Variants in RIMKLB observed in about 807,000 individuals in gnomAD.
The protein encoded by RIMKLB is beta-citrylglutamate synthase B.
A neutral mutation model predicts 32.0 loss-of-function variants in RIMKLB; 7 were observed. The ratio of observed to expected loss-of-function variants is 0.22; its 90% CI spans 0.12 to 0.41. RIMKLB has a LOEUF of 0.41. Ranked by LOEUF, RIMKLB falls within the 10% of genes least tolerant of loss-of-function variation. RIMKLB has a pLI of 1.00. For missense variants in RIMKLB, 289 were observed against 498.7 expected (o/e 0.58, Z 4.00); for synonymous variants, 172 against 185.1 (o/e 0.93, Z 0.57).
the RIMKLB span, among the ~76,000 whole-genome samples, chr12:8,673,246 G>C: frequency 6.6e-6 from 1 of 152,024 alleles, no homozygotes; most frequent in Admixed American, 6.5e-5. Flanking sequence ...GCTATGCTGA[G>C]AGCAGTGACA....
chr12:8,757,063 G>C (rs995590449), intron 5 of RIMKLB, among the ~76,000 whole-genome samples: 1 of 151,974 alleles, frequency 6.6e-6, no homozygotes, highest in African/African-American at 2.4e-5. Context: ...ATTATAACAC[G>C]TCCTGCTGAC....
chr12:8,757,985 G>A (rs144829662), intron 5 of RIMKLB, among the ~76,000 whole-genome samples: 2 of 150,698 alleles, frequency 1.3e-5, no homozygotes, highest in African/African-American at 4.9e-5. Context: ...TCTGGAGAAT[G>A]GGGTCTCGCT....
chr12:8,679,055 TG>T, upstream of RIMKLB: 1 of 154,984 alleles, frequency 6.5e-6, no homozygotes, highest in Non-Finnish European at 1.4e-5. Context: ...TGCTTTACCT[TG>T]GGATGGCCAG....
rs143241593 is a variant in RIMKLB, at chr12:8,739,395, C to T, written c.176-10467C>T. On this transcript the variant is annotated intron_variant, in intron 2 of 5. Transcript: ENST00000535829. ...ATGAGTTCTCACTATGTTGCCCAGG[C>T]TGGTGTTGAACTCCTGGACTCAAGT... Among the ~76,000 whole-genome samples, 608 of 152,306 alleles carry T rather than the reference C, an allele frequency of 4.0e-3. 9 individuals are homozygous for T. Among genetic ancestry groups the T allele is most frequent in the African/African-American group, 0.014 (573 of 41,578 alleles).
Position 8,766,216 on chromosome 12 carries a change from G to A in RIMKLB, c.698-7105G>A, listed in dbSNP as rs1200624964. ...CTTAATGCTTATTCCTTTCCAGGGT[G>A]TGTAACCACCCATGGACTTCTGCTT... On this transcript the variant is annotated intron_variant, in intron 5 of 5. Transcript: ENST00000535829. 2.6e-5 allele frequency among the ~76,000 whole-genome samples: 4 copies of A among 152,162 alleles called. No individual in the cohort carries two copies. In the East Asian group the frequency reaches 5.8e-4, roughly 22 times the overall value.
At chr12:8,675,485 A>T in the RIMKLB span, among the ~76,000 whole-genome samples, 8 of 152,204 alleles carry the variant, frequency 5.3e-5, no homozygotes, top group East Asian at 1.5e-3. Flanking sequence ...CTCTTCATTT[A>T]CCATCTATTG....
At chr12:8,711,449 G>A (rs1255137579) in intron 1 of RIMKLB, among the ~76,000 whole-genome samples, 1 of 151,942 alleles carries the variant, frequency 6.6e-6, no homozygotes, top group African/African-American at 2.4e-5. Flanking sequence ...CCGAGTGTCA[G>A]GCCAAGGCAC....
chr12:8,767,169 T>C (rs1369302298), intron 5 of RIMKLB, among the ~76,000 whole-genome samples: 4 of 152,266 alleles, frequency 2.6e-5, no homozygotes, highest in Non-Finnish European at 5.9e-5. Flanking sequence ...TTACCCTGGC[T>C]TTTAAAGGAA....
intron 5 of RIMKLB, among the ~76,000 whole-genome samples, chr12:8,767,283 C>T (rs1950047804): frequency 6.6e-6 from 1 of 152,160 alleles, no homozygotes; most frequent in Non-Finnish European, 1.5e-5. Flanking sequence ...AAACTTGGGG[C>T]CCTGGCAAGG....
Position 8,750,034 on chromosome 12 carries a change from C to A in RIMKLB, c.348C>A (p.Phe116Leu). The A allele has an allele frequency of 6.2e-7, 1 of 1,613,206 alleles. No individual in the cohort carries two copies. Among genetic ancestry groups the A allele is most frequent in the South Asian group, 1.1e-5 (1 of 91,066 alleles). ...CCATCCTGAACTGCGTTAATAAGTTCTGGACATTTCAAGAGTTGGCTGGCC... is the reference window on the plus strand; with the variant it reads ...CCATCCTGAACTGCGTTAATAAGTTATGGACATTTCAAGAGTTGGCTGGCC... ...PQAILNCVNK[F>L]WTFQELAGHG... Residue 116 changes from phenylalanine to leucine, a missense_variant, in exon 3 of 6, where the codon TTC becomes TTA. Physicochemically the swap from Phe to Leu is conservative, Grantham distance 22. Coordinates refer to ENST00000535829, the MANE Select transcript of RIMKLB (RefSeq NM_001297776.2).
At chr12:8,740,157 C>T (rs1010171411) in intron 2 of RIMKLB, among the ~76,000 whole-genome samples, 6 of 152,042 alleles carry the variant, frequency 3.9e-5, no homozygotes, top group African/African-American at 7.3e-5. Context: ...CTGCCTGCCT[C>T]GTCCTCCCAA....
At chr12:8,700,710 T>G (rs1402049598) in intron 1 of RIMKLB, 1 of 152,204 alleles carries the variant, frequency 6.6e-6, no homozygotes, top group Admixed American at 6.5e-5. Context: ...CAGATTAGTT[T>G]ACAAAGAGTA....
At chr12:8,706,546 G>A (rs1445475975) in intron 1 of RIMKLB, among the ~76,000 whole-genome samples, 1 of 151,550 alleles carries the variant, frequency 6.6e-6, no homozygotes, top group East Asian at 1.9e-4. Context: ...TGCCTCCTGG[G>A]TTCAAGCGAT....
chr12:8,727,307 T>A (rs1946117114), intron 2 of RIMKLB, among the ~76,000 whole-genome samples: 1 of 152,194 alleles, frequency 6.6e-6, no homozygotes, highest in South Asian at 2.1e-4. Flanking sequence ...TGATCTTGGC[T>A]CACTGCAACC....
chr12:8,691,063 C>T (rs1942716832), intron 1 of RIMKLB, among the ~76,000 whole-genome samples: 1 of 152,114 alleles, frequency 6.6e-6, no homozygotes, highest in African/African-American at 2.4e-5. Flanking sequence ...GTGGTGTGAT[C>T]CTCATGCCTA....
rs927244226 is a variant in RIMKLB, at chr12:8,687,126, T to C, written n.219+5308T>C. Among the ~76,000 whole-genome samples the C allele has an allele frequency of 3.3e-5, 5 of 152,232 alleles. No homozygotes were observed. In the South Asian group the frequency reaches 8.3e-4, roughly 25 times the overall value. Reference sequence around the variant, plus strand: ...GTACCTGAATCCCCCGAGGGCATGATTGCCAGATAAACACAGGATGATCCG... The same window carrying C: ...GTACCTGAATCCCCCGAGGGCATGACTGCCAGATAAACACAGGATGATCCG... On this transcript the variant is annotated intron_variant and non_coding_transcript_variant, in intron 1 of 1. Transcript: ENST00000538758.
intron 5 of RIMKLB, among the ~76,000 whole-genome samples, chr12:8,767,472 T>C (rs2138150618): frequency 6.6e-6 from 1 of 152,270 alleles, no homozygotes; most frequent in East Asian, 1.9e-4. Context: ...GTCTGAATCA[T>C]TAGTACCTAG....
chr12:8,703,531 C>T (rs912722327), intron 1 of RIMKLB, among the ~76,000 whole-genome samples: 2 of 152,068 alleles, frequency 1.3e-5, no homozygotes, highest in African/African-American at 4.8e-5. Flanking sequence ...GATGAGACCC[C>T]ACTATGTTGC....
Position 8,773,904 on chromosome 12 carries a change from G to A in RIMKLB, c.*120G>A, listed in dbSNP as rs181581860. 821 of 1,445,868 alleles carry A rather than the reference G, an allele frequency of 5.7e-4. No individual in the cohort carries two copies. In the African/African-American group the frequency reaches 0.01, roughly 18 times the overall value. 89.6% of individuals were successfully genotyped at this position (1,445,868 alleles called of 1,614,324 possible). ...TCAGGAAGATGAGAGAAAATTAGTA[G>A]GATTAGTTGGAGAGAGTGGGAGATA... On this transcript the variant is annotated 3_prime_UTR_variant, in exon 6 of 6. Coordinates refer to ENST00000535829, the MANE Select transcript of RIMKLB (RefSeq NM_001297776.2).
Sources: gnomAD v4.1 joint callset for allele counts (sites outside exome capture counted in the v4.1 genomes callset) on GRCh38, gnomAD v4.1.1 for gene constraint, MANE v1.5 for transcripts, NCBI Gene and HGNC (gene_info 2026-07-23, HGNC 2026-07-21) for gene names.